Variants in MSI2 observed in about 807,000 individuals in gnomAD.
MSI2 encodes musashi RNA binding protein 2.
Under a neutral mutation model 45.6 loss-of-function variants are expected in MSI2, and 17 were observed. That is an observed-to-expected ratio of 0.37 (90% CI 0.26 to 0.56). The LOEUF (loss-of-function observed/expected upper bound fraction) is 0.56. MSI2 is among the 20% of genes least tolerant of loss of function. The probability of loss-of-function intolerance (pLI) is 0.77; values close to 1 mark genes in which losing one functional copy is unlikely to be tolerated. For missense variants in MSI2, 293 were observed against 444.2 expected, an observed-to-expected ratio of 0.66 and a Z score of 3.06; for synonymous variants, 156 against 158.2, an observed-to-expected ratio of 0.99 and a Z score of 0.11.
intron 5 of MSI2, among the ~76,000 whole-genome samples, chr17:57,339,608 C>T (rs1482300846): frequency 6.6e-6 from 1 of 152,136 alleles, no homozygotes; most frequent in East Asian, 1.9e-4. Flanking sequence ...CTCAGCCTTT[C>T]GTTTCACACC....
At chr17:57,699,271 G>C in the MSI2 span, among the ~76,000 whole-genome samples, 1 of 142,600 alleles carries the variant, frequency 7.0e-6, no homozygotes, top group Non-Finnish European at 1.5e-5. Flanking sequence ...ATGAGGAAGA[G>C]CCAGGGAGAG....
At chr17:57,674,770 A>G (rs1913097013) in intron 11 of MSI2, 1 of 670,894 alleles carries the variant, frequency 1.5e-6, no homozygotes, top group Non-Finnish European at 2.4e-6. Context: ...TGGGCTGAGT[A>G]TTCTTGAGTC....
chr17:57,290,872 AAGG>A (rs1210015455), intron 5 of MSI2, among the ~76,000 whole-genome samples: 4 of 152,196 alleles, frequency 2.6e-5, no homozygotes, highest in Non-Finnish European at 5.9e-5. Flanking sequence ...GTGTCATCAC[AAGG>A]AGAAGTGTCT....
chr17:57,406,644 T>C (rs1328985668), intron 6 of MSI2, among the ~76,000 whole-genome samples: 1 of 152,208 alleles, frequency 6.6e-6, no homozygotes, highest in African/African-American at 2.4e-5. Context: ...GGAAGACTTA[T>C]GCTTAGTCAT....
chr17:57,442,713 G>A (rs1229191248), intron 6 of MSI2, among the ~76,000 whole-genome samples: 1 of 152,190 alleles, frequency 6.6e-6, no homozygotes, highest in Non-Finnish European at 1.5e-5. Context: ...ACAGAGGGGT[G>A]GGAGCGAGGG....
Position 57,519,770 on chromosome 17 carries a change from C to T in MSI2, c.406-9906C>T, listed in dbSNP as rs148671517. On this transcript the variant is annotated intron_variant, in intron 6 of 13. Coordinates refer to ENST00000284073, the MANE Select transcript of MSI2 (RefSeq NM_138962.4). Reference sequence around the variant, plus strand: ...TCTTAGGGATTCAAAAAACAGAACACAAGTAAGGGAGAACAGAAGACTTAG... The same window carrying T: ...TCTTAGGGATTCAAAAAACAGAACATAAGTAAGGGAGAACAGAAGACTTAG... 9.1e-3 allele frequency among the ~76,000 whole-genome samples: 1,382 copies of T among 152,262 alleles called. 15 individuals are homozygous for T. Among genetic ancestry groups the T allele is most frequent in the Non-Finnish European group, 0.013 (867 of 68,012 alleles).
intron 6 of MSI2, among the ~76,000 whole-genome samples, chr17:57,528,128 T>C (rs2086744287): frequency 1.3e-5 from 2 of 149,218 alleles, no homozygotes; most frequent in Admixed American, 1.3e-4. Context: ...GACTGGGTTG[T>C]ATTTTTACCA....
intron 6 of MSI2, among the ~76,000 whole-genome samples, chr17:57,505,679 A>G (rs1317101430): frequency 6.6e-6 from 1 of 152,184 alleles, no homozygotes; most frequent in African/African-American, 2.4e-5. Flanking sequence ...ATTTCAGGTT[A>G]AAGCTATGCC....
chr17:57,335,498 G>A (rs1321172452), intron 5 of MSI2, among the ~76,000 whole-genome samples: 5 of 152,194 alleles, frequency 3.3e-5, no homozygotes, highest in Non-Finnish European at 7.3e-5. Flanking sequence ...AAGTAGTTTT[G>A]ACAGAGGTTA....
At chr17:57,322,075 G>C (rs1236644899) in intron 5 of MSI2, among the ~76,000 whole-genome samples, 2 of 152,242 alleles carry the variant, frequency 1.3e-5, no homozygotes, top group African/African-American at 4.8e-5. Flanking sequence ...GGGATTACAG[G>C]TGTGAGCCAC....
rs184201875 is a variant in MSI2, at chr17:57,474,617, A to C, written c.406-55059A>C. Among the ~76,000 whole-genome samples the C allele has an allele frequency of 3.3e-5, 5 of 152,304 alleles. No homozygotes were observed. The East Asian group carries it at 9.6e-4, about 29-fold the overall frequency. On this transcript the variant is annotated intron_variant, in intron 6 of 13. Coordinates refer to ENST00000284073, the MANE Select transcript of MSI2 (RefSeq NM_138962.4). ...GCCCCTGGTTGAGAATCACTACCTG[A>C]AACCTAAGTCCTTTCTTCTGCCCAG... is the stretch of plus-strand genomic sequence containing the variant.
intron 7 of MSI2, among the ~76,000 whole-genome samples, chr17:57,556,838 T>C (rs998774947): frequency 6.6e-6 from 1 of 152,204 alleles, no homozygotes; most frequent in African/African-American, 2.4e-5. Flanking sequence ...ACAGTACTAA[T>C]AAAAGAAAGG....
In MSI2 at chr17:57,682,317, T is replaced by TCCCCCCCCCCC. The variant is rs397856811; in HGVS notation, c.*2802_*2812dup. On this transcript the variant is annotated 3_prime_UTR_variant, in exon 14 of 14. Coordinates refer to ENST00000284073, the MANE Select transcript of MSI2 (RefSeq NM_138962.4). The stretch of plus-strand genomic sequence containing the variant: ...GGCGGACTCTACGGCGTTTTGTAGA[T>TCCCCCCCCCCC]CCCCCCCCCCCCACCCACTGTGAAG... 8.4e-6 allele frequency: 1 copy of TCCCCCCCCCCC among 119,372 alleles called. No homozygotes were observed. Among genetic ancestry groups the TCCCCCCCCCCC allele is most frequent in the Non-Finnish European group, 1.7e-5 (1 of 60,398 alleles). The allele number at this position is 119,372 out of a possible 1,614,324, so 7.4% of individuals were successfully genotyped here.
intron 7 of MSI2, among the ~76,000 whole-genome samples, chr17:57,582,295 C>T (rs1459651462): frequency 1.3e-5 from 2 of 151,982 alleles, no homozygotes; most frequent in African/African-American, 2.4e-5. Context: ...ATTAGCATGC[C>T]GCCCCCCAAT....
At chr17:57,515,559 C>T (rs1027858291) in intron 6 of MSI2, among the ~76,000 whole-genome samples, 2 of 152,122 alleles carry the variant, frequency 1.3e-5, no homozygotes, top group Non-Finnish European at 2.9e-5. Context: ...CAACAGTACG[C>T]ACTTATTGGA....
At chr17:57,398,049 T>C (rs559771446) in intron 5 of MSI2, among the ~76,000 whole-genome samples, 32 of 152,088 alleles carry the variant, frequency 2.1e-4, no homozygotes, top group African/African-American at 7.7e-4. Flanking sequence ...GATTTATAGC[T>C]GAATGGCTGC....
intron 7 of MSI2, among the ~76,000 whole-genome samples, chr17:57,533,457 C>T (rs893032428): frequency 1.3e-5 from 2 of 152,236 alleles, no homozygotes; most frequent in African/African-American, 4.8e-5. Flanking sequence ...GACCTCTGAG[C>T]ATCTCAGGTT....
Position 57,616,147 on chromosome 17 carries a change from A to C in MSI2, c.652+63A>C. The C allele has an allele frequency of 4.6e-6, 6 of 1,308,568 alleles. No homozygotes were observed. The South Asian group carries it at 7.4e-5, about 16-fold the overall frequency. The allele number at this position is 1,308,568 out of a possible 1,614,324, so 81.1% of individuals were successfully genotyped here. ...GAGGGCTATGGAGGCCTCTACTCCC[A>C]ACTGGGTCACCTACCAGTGGGGCAA... On this transcript the variant is annotated intron_variant, in intron 9 of 13. Coordinates refer to ENST00000284073, the MANE Select transcript of MSI2 (RefSeq NM_138962.4).
Position 57,670,829 on chromosome 17 carries a change from G to C in MSI2, c.791-4143G>C, listed in dbSNP as rs190215414. 1.7e-3 allele frequency among the ~76,000 whole-genome samples: 261 copies of C among 152,264 alleles called. 1 individual carries two copies. The highest frequency in any genetic ancestry group is 3.0e-3 in the Non-Finnish European group (207 of 68,020). ...TGCATACATAACTATTTCAGAAATA[G>C]GGTGTATTTGTTTTAAACTTGACAA... On this transcript the variant is annotated intron_variant, in intron 11 of 13. Transcript: ENST00000284073.
Sources: allele counts gnomAD v4.1 joint callset (sites outside exome capture counted in the v4.1 genomes callset), GRCh38; gene constraint gnomAD v4.1.1; transcripts MANE v1.5; gene names NCBI Gene and HGNC (gene_info 2026-07-23, HGNC 2026-07-21).